The following NXPE2 variants were observed in gnomAD, a reference collection of about 807,000 sequenced individuals.
NXPE2 encodes the protein NXPE family member 2.
A neutral mutation model predicts 34.4 loss-of-function variants in NXPE2; 34 were observed. That is an observed-to-expected ratio of 0.99 (90% CI 0.75 to 1.31). The LOEUF (loss-of-function observed/expected upper bound fraction) is 1.31, where lower values mean the gene tolerates loss of function less well. Among genes scored for constraint, NXPE2 ranks in the 40% most tolerant of loss-of-function variants. The pLI is 0.00. For synonymous variants in NXPE2, 235 were observed against 231.3 expected, an observed-to-expected ratio of 1.02 and a Z score of -0.15; for missense variants, 649 against 672.5, an observed-to-expected ratio of 0.97 and a Z score of 0.39.
the NXPE2 span, among the ~76,000 whole-genome samples, chr11:114,497,847 T>C: frequency 0.14 from 22,049 of 152,220 alleles, 1,766 homozygotes; most frequent in South Asian, 0.23. Context: ...ATTGAAATCA[T>C]TGAGTTTACT....
In NXPE2 at chr11:114,686,518, T is replaced by C. The variant is rs181606748; in HGVS notation, c.132+6756T>C. ...CATATTTTCTTTATTCAATCCACCA[T>C]TGTTGGGCACCTGGGTTGATTCCAT... On this transcript the variant is annotated intron_variant, in intron 2 of 5. Coordinates refer to ENST00000389586, the MANE Select transcript of NXPE2 (RefSeq NM_182495.6). 1.2e-4 allele frequency among the ~76,000 whole-genome samples: 19 copies of C among 152,260 alleles called. No individual in the cohort carries two copies. In the Middle Eastern group the frequency reaches 0.01, roughly 82 times the overall value.
chr11:114,640,100 G>GT, the NXPE2 span, among the ~76,000 whole-genome samples: 1 of 116,182 alleles, frequency 8.6e-6, no homozygotes, highest in Non-Finnish European at 1.6e-5. Context: ...TATAATATAT[G>GT]ATTATATATT....
chr11:114,679,319 G>A (rs11215145), intron 1 of NXPE2, among the ~76,000 whole-genome samples: 8,819 of 148,028 alleles, frequency 0.06, 202 homozygotes, highest in South Asian at 0.092. Context: ...GGTGGGGGTG[G>A]GGTGGGGGTG....
the NXPE2 span, among the ~76,000 whole-genome samples, chr11:114,730,723 T>C: frequency 6.6e-6 from 1 of 152,202 alleles, no homozygotes; most frequent in East Asian, 1.9e-4. Flanking sequence ...ATAGAAATGT[T>C]ACTGATTTTT....
At chr11:114,488,978 G>T in the NXPE2 span, among the ~76,000 whole-genome samples, 1 of 151,952 alleles carries the variant, frequency 6.6e-6, no homozygotes, top group South Asian at 2.1e-4. Flanking sequence ...TAATAAAGAA[G>T]AAAAGAGAGA....
At chr11:114,674,690 C>T (rs1419561242), upstream of NXPE2, among the ~76,000 whole-genome samples, 2 of 151,686 alleles carry the variant, frequency 1.3e-5, no homozygotes, top group Non-Finnish European at 3.0e-5. Context: ...AAAGACAGGA[C>T]CTGATGGCTT....
chr11:114,490,461 G>C, the NXPE2 span, among the ~76,000 whole-genome samples: 1 of 152,260 alleles, frequency 6.6e-6, no homozygotes, highest in South Asian at 2.1e-4. Context: ...ATACTACAAG[G>C]CTACAGTAAT....
At chr11:114,710,324 A>G (rs1372410290), downstream of NXPE2, among the ~76,000 whole-genome samples, 1 of 152,158 alleles carries the variant, frequency 6.6e-6, no homozygotes, top group Non-Finnish European at 1.5e-5. Flanking sequence ...GGTTTTTCAA[A>G]AAGATCAAAA....
chr11:114,529,150 G>T, the NXPE2 span: 1 of 230,962 alleles, frequency 4.3e-6, no homozygotes, highest in Non-Finnish European at 8.3e-6. Flanking sequence ...GGATTTCTGT[G>T]AACCTAGCAT....
the NXPE2 span, among the ~76,000 whole-genome samples, chr11:114,586,505 T>C: frequency 2.6e-5 from 4 of 152,188 alleles, no homozygotes; most frequent in African/African-American, 9.6e-5. Context: ...CTACCAGCCT[T>C]ACAAGACTCA....
chr11:114,642,654 A>C, the NXPE2 span, among the ~76,000 whole-genome samples: 11 of 151,968 alleles, frequency 7.2e-5, no homozygotes, highest in Non-Finnish European at 4.4e-5. Flanking sequence ...TTCTTTATCC[A>C]GTCTATTATT....
the NXPE2 span, among the ~76,000 whole-genome samples, chr11:114,664,343 C>A: frequency 3.3e-5 from 5 of 152,108 alleles, no homozygotes; most frequent in Non-Finnish European, 7.4e-5. Flanking sequence ...GGATTAGGGA[C>A]AAGGGCTGAA....
intron 2 of NXPE2, among the ~76,000 whole-genome samples, chr11:114,682,662 A>G (rs1325107191): frequency 6.6e-6 from 1 of 152,184 alleles, no homozygotes; most frequent in Non-Finnish European, 1.5e-5. Context: ...TCCTGAGCAA[A>G]CCAAACTTAA....
the NXPE2 span, among the ~76,000 whole-genome samples, chr11:114,644,870 A>G: frequency 2.6e-5 from 4 of 152,264 alleles, no homozygotes; most frequent in African/African-American, 4.8e-5. Context: ...TTGCATAGCT[A>G]TAAACAAATT....
the NXPE2 span, among the ~76,000 whole-genome samples, chr11:114,647,762 C>T: frequency 2.0e-5 from 3 of 151,560 alleles, no homozygotes; most frequent in Non-Finnish European, 2.9e-5. Flanking sequence ...AGTACAGTGG[C>T]ATGATCTGGG....
chr11:114,716,045 G>A, the NXPE2 span, among the ~76,000 whole-genome samples: 12 of 152,112 alleles, frequency 7.9e-5, no homozygotes, highest in African/African-American at 2.9e-4. Flanking sequence ...GACCAATTTA[G>A]GAACCACAAC....
the NXPE2 span, among the ~76,000 whole-genome samples, chr11:114,736,671 T>A: frequency 6.8e-6 from 1 of 148,034 alleles, no homozygotes; most frequent in Admixed American, 6.7e-5. Context: ...GATGACAGGA[T>A]TAAGAGACTA....
chr11:114,601,735 A>T, the NXPE2 span, among the ~76,000 whole-genome samples: 1 of 72,196 alleles, frequency 1.4e-5, no homozygotes, highest in East Asian at 4.4e-4. Flanking sequence ...TATATATTAT[A>T]TATAATTATA....
At chr11:114,634,976 A>T in the NXPE2 span, among the ~76,000 whole-genome samples, 6 of 152,006 alleles carry the variant, frequency 3.9e-5, no homozygotes, top group African/African-American at 1.2e-4. Flanking sequence ...TGAACTTTAA[A>T]GTAGTTTTTT....
Sources: gnomAD v4.1 joint callset for allele counts (sites outside exome capture counted in the v4.1 genomes callset) on GRCh38, gnomAD v4.1.1 for gene constraint, MANE v1.5 for transcripts, NCBI Gene and HGNC (gene_info 2026-07-23, HGNC 2026-07-21) for gene names.